CLNK: variants seen among roughly 807,000 people sequenced by gnomAD.
CLNK encodes cytokine-dependent hematopoietic cell linker.
In CLNK, 74 loss-of-function variants were observed where a neutral mutation model predicts 68.6. The ratio of observed to expected loss-of-function variants is 1.08; its 90% CI spans 0.89 to 1.31. The LOEUF is 1.31. Ranked by LOEUF, CLNK falls within the 50% of genes most tolerant of loss-of-function variation. The probability of loss-of-function intolerance (pLI) is 0.00; values close to 1 mark genes in which losing one functional copy is unlikely to be tolerated. For synonymous variants in CLNK, 198 were observed against 172.2 expected, an observed-to-expected ratio of 1.15 and a Z score of -1.17; for missense variants, 553 against 515.3, an observed-to-expected ratio of 1.07 and a Z score of -0.71.
chr4:10,548,182 G>A (rs1719309986), intron 8 of CLNK, among the ~76,000 whole-genome samples: 1 of 152,092 alleles, frequency 6.6e-6, no homozygotes, highest in South Asian at 2.1e-4. Context: ...TGTTTTTTAA[G>A]TAATAGTCAT....
chr4:10,690,595 G>A, the CLNK span, among the ~76,000 whole-genome samples: 1 of 152,156 alleles, frequency 6.6e-6, no homozygotes. Flanking sequence ...TTCCCCAGAA[G>A]GACCTCATGA....
intron 2 of CLNK, among the ~76,000 whole-genome samples, chr4:10,637,139 C>T (rs1367520507): frequency 2.0e-5 from 3 of 152,180 alleles, no homozygotes; most frequent in Non-Finnish European, 4.4e-5. Context: ...TGAGGTTGCT[C>T]ATCAAAGACA....
At position 10,598,045 on chromosome 4, in the gene CLNK, T is replaced by A; in HGVS notation, c.16A>T (p.Asn6Tyr). Reference sequence around the variant, plus strand: ...GATCCTTCTTTAGTTGTCTTTCTATTGCCCCTGGGATGAAAGAAAATAAAT... The same window carrying A: ...GATCCTTCTTTAGTTGTCTTTCTATAGCCCCTGGGATGAAAGAAAATAAAT... MNRQG[N>Y]RKTTKEGSND... The change falls in exon 3 of 19, where the codon AAT (asparagine) becomes TAT (tyrosine). Residue 6 changes from asparagine (N) to tyrosine (Y), a missense_variant. Physicochemically the swap from Asn to Tyr is moderately radical, Grantham distance 143 (BLOSUM62 -2). Transcript: ENST00000226951. 1 of 1,580,008 alleles carries A rather than the reference T, an allele frequency of 6.3e-7. No homozygotes were observed. The highest frequency in any genetic ancestry group is 8.6e-7 in the Non-Finnish European group (1 of 1,159,922).
chr4:10,591,656 A>G (rs1441532069), intron 3 of CLNK, among the ~76,000 whole-genome samples: 2 of 152,226 alleles, frequency 1.3e-5, no homozygotes, highest in African/African-American at 4.8e-5. Flanking sequence ...GAGCAAGGCC[A>G]ATGGAGTGCC....
intron 2 of CLNK, among the ~76,000 whole-genome samples, chr4:10,632,705 T>C (rs1331687741): frequency 6.6e-6 from 1 of 152,270 alleles, no homozygotes. Context: ...ATGTTCTTAC[T>C]ATTGAAAAGA....
chr4:10,647,869 T>A (rs1395270770), intron 2 of CLNK, among the ~76,000 whole-genome samples: 2 of 152,200 alleles, frequency 1.3e-5, no homozygotes, highest in Non-Finnish European at 2.9e-5. Context: ...GTCCCATAGA[T>A]GCTCCTCCTC....
At position 10,583,766 on chromosome 4, in the gene CLNK, G is replaced by A. The variant is rs143133784; in HGVS notation, c.112+1161C>T. ...GTCTCTAGATTGCTGTCAAGGAAAC[G>A]GAGTGCCCATCTGCCCATTTCTCTG... On this transcript the variant is annotated intron_variant, in intron 4 of 18. Coordinates refer to ENST00000226951, the MANE Select transcript of CLNK (RefSeq NM_052964.4). 2.0e-3 allele frequency among the ~76,000 whole-genome samples: 307 copies of A among 152,302 alleles called. 1 individual carries two copies. The highest frequency in any genetic ancestry group is 6.8e-3 in the African/African-American group (281 of 41,562).
chr4:10,636,357 C>G (rs1429436216), intron 2 of CLNK, among the ~76,000 whole-genome samples: 1 of 151,998 alleles, frequency 6.6e-6, no homozygotes, highest in African/African-American at 2.4e-5. Flanking sequence ...GGCCATGTAA[C>G]GATAGAGGCA....
chr4:10,493,746 A>G (rs1212842169), intron 18 of CLNK, among the ~76,000 whole-genome samples: 2 of 152,212 alleles, frequency 1.3e-5, no homozygotes, highest in Non-Finnish European at 2.9e-5. Flanking sequence ...CTACTACAGC[A>G]GGGTAATTGT....
chr4:10,616,310 C>T (rs898413765), intron 2 of CLNK, among the ~76,000 whole-genome samples: 9 of 152,142 alleles, frequency 5.9e-5, no homozygotes, highest in African/African-American at 1.9e-4. Flanking sequence ...TAGTTTATTG[C>T]TTTGTGGACA....
chr4:10,513,517 G>A lies in CLNK; in HGVS notation c.853C>T (p.Pro285Ser), dbSNP rs1717693679. The A allele has an allele frequency of 6.2e-7, 1 of 1,611,886 alleles. No homozygotes were observed. The highest frequency in any genetic ancestry group is 8.5e-7 in the Non-Finnish European group (1 of 1,179,018). Residue 285 changes from proline (P) to serine (S), a missense_variant, in exon 16 of 19, where the codon CCC becomes TCC. Coordinates refer to ENST00000226951, the MANE Select transcript of CLNK (RefSeq NM_052964.4). ...ASCSPHENIL[P>S]YKYTSWRPPF... ...GGTCTCCAGCTTGTGTATTTATAGG[G>A]CAGTATATTTTCGTGAGGGCTGCAG...
At position 10,490,624 on chromosome 4, in the gene CLNK, G is replaced by A; in HGVS notation, c.1141-11C>T. On this transcript the variant is annotated splice_polypyrimidine_tract_variant and intron_variant, in intron 18 of 18. Coordinates refer to ENST00000226951, the MANE Select transcript of CLNK (RefSeq NM_052964.4). ...TACTGAATCAAACTTCTGAAACACA[G>A]AAAAGAAAGTTAATGACTTTTAAAA... The A allele has an allele frequency of 6.4e-7, 1 of 1,554,814 alleles. No individual in the cohort carries two copies. Among genetic ancestry groups the A allele is most frequent in the Non-Finnish European group, 8.7e-7 (1 of 1,147,968 alleles).
intron 3 of CLNK, among the ~76,000 whole-genome samples, chr4:10,597,299 G>A (rs28583715): frequency 0.018 from 2,692 of 152,238 alleles, 88 homozygotes; most frequent in African/African-American, 0.061. Context: ...TGGGAGAGAC[G>A]GTTCTGCGCA....
chr4:10,696,145 T>C, the CLNK span, among the ~76,000 whole-genome samples: 1 of 152,158 alleles, frequency 6.6e-6, no homozygotes, highest in Non-Finnish European at 1.5e-5. Context: ...CTTGAGCCAC[T>C]GCACCCAGCC....
At chr4:10,537,678 T>TCTTTCTTC (rs1718836142) in intron 11 of CLNK, among the ~76,000 whole-genome samples, 69 of 38,516 alleles carry the variant, frequency 1.8e-3, no homozygotes, top group Middle Eastern at 0.011. Flanking sequence ...TTTCTTTCTT[T>TCTTTCTTC]CTTCCTTCCT....
intron 15 of CLNK, among the ~76,000 whole-genome samples, chr4:10,513,802 A>G (rs1370492820): frequency 1.4e-5 from 2 of 147,704 alleles, no homozygotes; most frequent in East Asian, 3.9e-4. Flanking sequence ...CTCTTTCCTT[A>G]GGGCTCCCAG....
the CLNK span, among the ~76,000 whole-genome samples, chr4:10,724,822 GGAA>G: frequency 1.3e-5 from 2 of 152,162 alleles, no homozygotes; most frequent in Non-Finnish European, 2.9e-5. Context: ...CCCCTTTGTG[GGAA>G]GGGAACTTCC....
rs1391110598 is a variant in CLNK at position 10,645,901 on chromosome 4, T to G, written c.11+21958A>C. Among the ~76,000 whole-genome samples the G allele has an allele frequency of 4.6e-5, 7 of 152,182 alleles. 1 individual carries two copies. Among genetic ancestry groups the G allele is most frequent in the Admixed American group, 1.3e-4 (2 of 15,280 alleles). ...TGATGGATATCCCAAATACCTTGAT[T>G]TTTTAATGGGCTTGTGAATTCTATT... On this transcript the variant is annotated intron_variant, in intron 2 of 18. Coordinates refer to ENST00000226951, the MANE Select transcript of CLNK (RefSeq NM_052964.4).
At chr4:10,511,756 A>G (rs886695477) in intron 16 of CLNK, among the ~76,000 whole-genome samples, 2 of 152,292 alleles carry the variant, frequency 1.3e-5, no homozygotes, top group East Asian at 3.9e-4. Context: ...CTGTTTATCC[A>G]TTCATCTGTC....
Sources: gnomAD v4.1 joint callset for allele counts (sites outside exome capture counted in the v4.1 genomes callset) on GRCh38, gnomAD v4.1.1 for gene constraint, MANE v1.5 for transcripts, NCBI Gene and HGNC (gene_info 2026-07-23, HGNC 2026-07-21) for gene names.